Variants in ZNF224 observed in about 807,000 individuals in gnomAD.
ZNF224 encodes the protein bone marrow zinc finger 2.
A neutral mutation model predicts 10.5 loss-of-function variants in ZNF224; 8 were observed. The observed-to-expected ratio is 0.76, with a 90% CI of 0.45 to 1.37. ZNF224 has a LOEUF of 1.37. Among genes scored for constraint, ZNF224 ranks in the 40% most tolerant of loss-of-function variants. ZNF224 has a pLI of 0.00. For missense variants in ZNF224, 754 were observed against 854.0 expected, an observed-to-expected ratio of 0.88 and a Z score of 1.46; for synonymous variants, 282 against 287.8, an observed-to-expected ratio of 0.98 and a Z score of 0.20.
intron 1 of ZNF224, chr19:44,095,701 A>G (rs2147521208): frequency 6.6e-6 from 1 of 152,270 alleles, no homozygotes; most frequent in African/African-American, 2.4e-5. Context: ...CGGGCGGATC[A>G]CGAGGTCAGG....
chr19:44,107,510 T>C lies in ZNF224; in HGVS notation c.1350T>C (p.His450=). The change falls in exon 6 of 6, where the codon CAT becomes CAC. Residue 450 remains histidine (H), a synonymous_variant. Coordinates refer to ENST00000693561, the MANE Select transcript of ZNF224 (RefSeq NM_001321645.3). ...ATCTTGACTTTCACCAGCGCGTCCA[T>C]ACAGGAGAGAAACTGTATAATTGTA... The part of the protein sequence containing the change: ...RLDLDFHQRV[H]TGEKLYNCKE... 2 of 1,607,272 alleles carry C rather than the reference T, an allele frequency of 1.2e-6. No homozygotes were observed. The highest frequency in any genetic ancestry group is 1.1e-5 in the South Asian group (1 of 90,056).
Position 44,108,448 on chromosome 19 carries a change from G to T in ZNF224, c.*164G>T. ...CTGGTGATAAATTTCACCCATTCTT[G>T]GAAGAGGGAAAACATTTGTTTAAGA... On this transcript the variant is annotated 3_prime_UTR_variant, in exon 6 of 6. Transcript: ENST00000693561. 1.3e-6 allele frequency: 1 copy of T among 765,398 alleles called. No homozygotes were observed. The highest frequency in any genetic ancestry group is 1.9e-5 in the South Asian group (1 of 51,982). The allele number at this position is 765,398 out of a possible 1,614,324, so 47.4% of individuals were successfully genotyped here. A position where few individuals can be genotyped will look rare whatever the true frequency, so the allele number is the denominator to read the frequency against.
chr19:44,104,720 G>C (rs1198038730), intron 5 of ZNF224, among the ~76,000 whole-genome samples: 1 of 151,856 alleles, frequency 6.6e-6, no homozygotes, highest in Non-Finnish European at 1.5e-5. Flanking sequence ...GGAGTGCAGT[G>C]GCGCAATCTC....
At chr19:44,101,111 A>C in intron 4 of ZNF224, 22 bp from the exon 5 acceptor site, 4 of 1,613,620 alleles carry the variant, frequency 2.5e-6, no homozygotes, top group Non-Finnish European at 3.4e-6. Flanking sequence ...GGGATTAAGC[A>C]TGTAAGTTTG....
chr19:44,101,292 A>G (rs1967546127), intron 5 of ZNF224, 67 bp downstream of exon 5: 1 of 1,521,928 alleles, frequency 6.6e-7, no homozygotes, highest in South Asian at 1.2e-5. Context: ...TCCATGCTCA[A>G]ATCCATTGCC....
rs1967766825 is a variant in ZNF224 at position 44,108,908 on chromosome 19, A to G, written c.*624A>G. ...ACTGCAATCCATAGCAATATTTTGC[A>G]TATTATTATTTTTTCTTTTAAATTT... On this transcript the variant is annotated 3_prime_UTR_variant, in exon 6 of 6. Coordinates refer to ENST00000693561, the MANE Select transcript of ZNF224 (RefSeq NM_001321645.3). 4.8e-6 allele frequency: 1 copy of G among 207,364 alleles called. No homozygotes were observed. Among genetic ancestry groups the G allele is most frequent in the Non-Finnish European group, 1.0e-5 (1 of 97,286 alleles). 12.8% of individuals were successfully genotyped at this position (207,364 alleles called of 1,614,324 possible).
In ZNF224 at chr19:44,108,993, C is replaced by T. The variant is rs192492239; in HGVS notation, c.*709C>T. On this transcript the variant is annotated 3_prime_UTR_variant, in exon 6 of 6. Transcript: ENST00000693561. ...TTATTTTATTGCACTTGGCTCCTGG[C>T]TTCCCCCCATCCTGTGCTCTGAAGT... 1.4e-5 allele frequency: 3 copies of T among 219,050 alleles called. No individual in the cohort carries two copies. The highest frequency in any genetic ancestry group is 1.1e-4 in the East Asian group (1 of 8,884). 13.6% of individuals were successfully genotyped at this position (219,050 alleles called of 1,614,324 possible). A position where few individuals can be genotyped will look rare whatever the true frequency, so the allele number is the denominator to read the frequency against.
intron 5 of ZNF224, among the ~76,000 whole-genome samples, chr19:44,103,859 T>A (rs1967595230): frequency 6.6e-6 from 1 of 151,956 alleles, no homozygotes; most frequent in South Asian, 2.1e-4. Context: ...CCTGGCTAAT[T>A]TTTGTATTTT....
chr19:44,108,187 G>GCAC lies in ZNF224; in HGVS notation c.2027_2028insCAC (p.Gly676_Glu677insThr), dbSNP rs751079636. On this transcript the variant is annotated inframe_insertion, in exon 6 of 6. Coordinates refer to ENST00000693561, the MANE Select transcript of ZNF224 (RefSeq NM_001321645.3). ...GATATGCATCAGAGGGTCCACATGG[G>GCAC]AGAGAAAACATGGAAGTGTAGGGAG... is the stretch of plus-strand genomic sequence containing the variant. 40 of 1,614,204 alleles carry GCAC rather than the reference G, an allele frequency of 2.5e-5. No homozygotes were observed. The highest frequency in any genetic ancestry group is 3.3e-5 in the Non-Finnish European group (39 of 1,180,036).
chr19:44,103,681 CT>C (rs1474821018), intron 5 of ZNF224, among the ~76,000 whole-genome samples: 1 of 151,698 alleles, frequency 6.6e-6, no homozygotes, highest in Non-Finnish European at 1.5e-5. Context: ...ATTTTCTGCC[CT>C]CTTTTTTCTT....
intron 3 of ZNF224, 135 bp from the exon 4 acceptor site, chr19:44,100,666 G>C (rs1057207242): frequency 8.9e-6 from 10 of 1,129,672 alleles, no homozygotes; most frequent in Non-Finnish European, 1.2e-5. Context: ...AGAATGAGTA[G>C]GAAATCTACG....
Position 44,108,147 on chromosome 19 carries a change from A to G in ZNF224, c.1987A>G (p.Arg663Gly). 1 of 1,614,250 alleles carries G rather than the reference A, an allele frequency of 6.2e-7. No individual in the cohort carries two copies. Among genetic ancestry groups the G allele is most frequent in the African/African-American group, 1.3e-5 (1 of 75,070 alleles). The change falls in exon 6 of 6, where the codon AGG (arginine) becomes GGG (glycine). Residue 663 changes from arginine (R) to glycine (G), a missense_variant. Physicochemically the swap from Arg to Gly is moderately radical, Grantham distance 125 (BLOSUM62 -2). Coordinates refer to ENST00000693561, the MANE Select transcript of ZNF224 (RefSeq NM_001321645.3). ...TGAGGACTGTGGGAAGGGCTACAAC[A>G]GGCGCTTGAATCTTGATATGCATCA... is the stretch of plus-strand genomic sequence containing the variant. Reference protein sequence around the residue: ...KCEDCGKGYNRRLNLDMHQRV... With the variant: ...KCEDCGKGYNGRLNLDMHQRV...
At position 44,109,678 on chromosome 19, in the gene ZNF224, A is replaced by C. The variant is rs1967790227; in HGVS notation, c.*1394A>C. On this transcript the variant is annotated 3_prime_UTR_variant, in exon 6 of 6. Transcript: ENST00000693561. ...TTAAAATGGAAAGAACAAGTGTTCAAGAACAGGAATTTGTGTGAATTGCAT... is the reference window on the plus strand; with the variant it reads ...TTAAAATGGAAAGAACAAGTGTTCACGAACAGGAATTTGTGTGAATTGCAT... The C allele has an allele frequency of 6.6e-6, 1 of 152,250 alleles. No individual in the cohort carries two copies. Among genetic ancestry groups the C allele is most frequent in the Non-Finnish European group, 1.5e-5 (1 of 68,030 alleles). The allele number at this position is 152,250 out of a possible 1,614,324, so 9.4% of individuals were successfully genotyped here. A position where few individuals can be genotyped will look rare whatever the true frequency, so the allele number is the denominator to read the frequency against.
chr19:44,107,457 T>C lies in ZNF224; in HGVS notation c.1297T>C (p.Cys433Arg). The C allele has an allele frequency of 6.2e-7, 1 of 1,606,600 alleles. No homozygotes were observed. ...SGEKPYKCVE[C>R]GKGYKRRLDL... Reference sequence around the variant, plus strand: ...AGAAAAACCATACAAATGTGTGGAGTGTGGGAAGGGCTACAAAAGGAGGTT... The same window carrying C: ...AGAAAAACCATACAAATGTGTGGAGCGTGGGAAGGGCTACAAAAGGAGGTT... Residue 433 changes from cysteine (C) to arginine (R), a missense_variant, in exon 6 of 6, where the codon TGT becomes CGT. Transcript: ENST00000693561.
chr19:44,106,432 A>G lies in ZNF224; in HGVS notation c.272A>G (p.Glu91Gly). Reference sequence around the variant, plus strand: ...CAAACTGAGATGGAGACTGTTTCAGAAGCAGGAACACATCAAGAGTGGTCC... The same window carrying G: ...CAAACTGAGATGGAGACTGTTTCAGGAGCAGGAACACATCAAGAGTGGTCC... ...KIQTEMETVS[E>G]AGTHQEWSFQ... is the part of the protein sequence containing the mutation. The change falls in exon 6 of 6, where the codon GAA (glutamate) becomes GGA (glycine). Residue 91 changes from glutamate to glycine, a missense_variant. By Grantham distance (98) the Glu-to-Gly change is moderately conservative. Transcript: ENST00000693561. 2 of 1,614,198 alleles carry G rather than the reference A, an allele frequency of 1.2e-6. No homozygotes were observed. Among genetic ancestry groups the G allele is most frequent in the Non-Finnish European group, 1.7e-6 (2 of 1,180,032 alleles).
At chr19:44,100,138 A>C (rs1014998990) in intron 3 of ZNF224, among the ~76,000 whole-genome samples, 1 of 152,220 alleles carries the variant, frequency 6.6e-6, no homozygotes, top group Non-Finnish European at 1.5e-5. Context: ...GTTTAATTTG[A>C]AAACTATATC....
intron 5 of ZNF224, among the ~76,000 whole-genome samples, chr19:44,104,810 C>A (rs4803677): frequency 6.6e-6 from 1 of 151,902 alleles, no homozygotes; most frequent in Admixed American, 6.6e-5. Flanking sequence ...TACAGGCGCC[C>A]GCCACCATGT....
chr19:44,102,796 A>G (rs1967576135), intron 5 of ZNF224, among the ~76,000 whole-genome samples: 2 of 152,202 alleles, frequency 1.3e-5, no homozygotes, highest in South Asian at 4.1e-4. Context: ...TCTACTAGTG[A>G]GACAGCTCTT....
Position 44,097,842 on chromosome 19 carries a change from G to C in ZNF224, c.-32G>C. ...CTTTCCCAGGAACTGCATCACTCAG[G>C]ACTCTGCAAGTTTCCAGAAGTAAGA... On this transcript the variant is annotated 5_prime_UTR_variant, in exon 3 of 6. Transcript: ENST00000693561. The C allele has an allele frequency of 1.9e-6, 3 of 1,613,752 alleles. No individual in the cohort carries two copies. Among genetic ancestry groups the C allele is most frequent in the South Asian group, 2.2e-5 (2 of 91,002 alleles).
Sources: gnomAD v4.1 joint callset for allele counts (sites outside exome capture counted in the v4.1 genomes callset) on GRCh38, gnomAD v4.1.1 for gene constraint, MANE v1.5 for transcripts, NCBI Gene and HGNC (gene_info 2026-07-23, HGNC 2026-07-21) for gene names.